Variants in XKR6 observed in about 807,000 individuals in gnomAD.
XKR6 encodes XK related 6.
Under a neutral mutation model 56.7 loss-of-function variants are expected in XKR6, and 22 were observed. That is an observed-to-expected ratio of 0.39 (90% confidence interval 0.28 to 0.55). XKR6 has a LOEUF of 0.55. XKR6 is among the 20% of genes least tolerant of loss of function. The pLI is 0.66. For missense variants in XKR6, 852 were observed against 889.0 expected (o/e 0.96, Z 0.53); for synonymous variants, 524 against 387.8 (o/e 1.35, Z -4.13).
chr8:11,128,117 G>C (rs563565576), intron 1 of XKR6, among the ~76,000 whole-genome samples: 29 of 152,294 alleles, frequency 1.9e-4, no homozygotes, highest in South Asian at 8.3e-4. Context: ...CAACAAATTA[G>C]CTAGAATGAA....
chr8:11,186,521 G>C (rs1420293103), intron 1 of XKR6, among the ~76,000 whole-genome samples: 2 of 152,052 alleles, frequency 1.3e-5, no homozygotes, highest in African/African-American at 4.8e-5. Context: ...GGAACCACAG[G>C]TGTGCCACAC....
Position 11,050,303 on chromosome 8 carries a change from C to T in XKR6, c.765-125473G>A, listed in dbSNP as rs115848447. Among the ~76,000 whole-genome samples, 638 of 152,182 alleles carry T rather than the reference C, an allele frequency of 4.2e-3. 8 individuals carry two copies. Among genetic ancestry groups the T allele is most frequent in the African/African-American group, 0.015 (609 of 41,516 alleles). ...CGAGATCGCGGCTGATCTCAGCAAT[C>T]GTGGCATTCACATTAAGTCCTGGTT... On this transcript the variant is annotated intron_variant, in intron 1 of 2. Coordinates refer to ENST00000416569, the MANE Select transcript of XKR6 (RefSeq NM_173683.4).
At chr8:11,027,015 G>A (rs1450377516) in intron 1 of XKR6, among the ~76,000 whole-genome samples, 1 of 152,142 alleles carries the variant, frequency 6.6e-6, no homozygotes, top group Non-Finnish European at 1.5e-5. Context: ...TATACACTTA[G>A]ATGCTGTTGC....
rs1173653429 is a variant in XKR6 at position 11,201,282 on chromosome 8, G to A, written c.58C>T (p.Leu20=). The A allele has an allele frequency of 5.1e-6, 8 of 1,582,054 alleles. No homozygotes were observed. Among genetic ancestry groups the A allele is most frequent in the South Asian group, 3.4e-5 (3 of 89,114 alleles). Residue 20 remains leucine, a synonymous_variant, in exon 1 of 3, where the codon CTG becomes TTG. Coordinates refer to ENST00000416569, the MANE Select transcript of XKR6 (RefSeq NM_173683.4). ...VGVGFAQLHN[L]DEAVGSGGEE... ...CCGCCGCTGCCCACCGCCTCGTCCA[G>A]GTTGTGCAGCTGAGCGAAGCCCACC...
At chr8:11,021,871 G>A (rs1406980013) in intron 1 of XKR6, among the ~76,000 whole-genome samples, 2 of 151,928 alleles carry the variant, frequency 1.3e-5, no homozygotes, top group Non-Finnish European at 2.9e-5. Flanking sequence ...CCTGAACTTA[G>A]CCTTGTTCCA....
intron 1 of XKR6, among the ~76,000 whole-genome samples, chr8:10,931,762 C>T (rs1270438337): frequency 6.6e-6 from 1 of 151,484 alleles, no homozygotes; most frequent in Non-Finnish European, 1.5e-5. Flanking sequence ...GAAGAAACTG[C>T]AGGAGTGGTT....
Position 11,135,308 on chromosome 8 carries a change from C to T in XKR6, c.764+65268G>A, listed in dbSNP as rs180700599. Among the ~76,000 whole-genome samples the T allele has an allele frequency of 1.6e-3, 249 of 152,192 alleles. 2 individuals are homozygous for T. Among genetic ancestry groups the T allele is most frequent in the African/African-American group, 5.7e-3 (238 of 41,534 alleles). ...CCTCCCAAAGTGCTGGGATTACAGG[C>T]GTGAGCCACCATGCCCGGCCAAAAA... On this transcript the variant is annotated intron_variant, in intron 1 of 2. Coordinates refer to ENST00000416569, the MANE Select transcript of XKR6 (RefSeq NM_173683.4).
chr8:11,120,125 G>A (rs1305913259), intron 1 of XKR6, among the ~76,000 whole-genome samples: 4 of 152,190 alleles, frequency 2.6e-5, no homozygotes, highest in South Asian at 2.1e-4. Context: ...AAAACTGGCA[G>A]AAGACAGGGA....
chr8:11,075,844 G>A (rs1199032115), intron 1 of XKR6, among the ~76,000 whole-genome samples: 4 of 152,144 alleles, frequency 2.6e-5, no homozygotes, highest in Non-Finnish European at 5.9e-5. Flanking sequence ...TTGCACTCCA[G>A]CCTGGGCAAC....
chr8:11,089,081 T>G (rs1048661901), intron 1 of XKR6, among the ~76,000 whole-genome samples: 1 of 151,958 alleles, frequency 6.6e-6, no homozygotes, highest in Non-Finnish European at 1.5e-5. Context: ...AGCAAAGGGA[T>G]CAGGAAAGCA....
intron 1 of XKR6, among the ~76,000 whole-genome samples, chr8:10,949,121 G>C (rs922415711): frequency 6.6e-6 from 1 of 152,246 alleles, no homozygotes. Flanking sequence ...GGTGAGCCCT[G>C]GCTGGAGGAG....
At chr8:11,044,442 TC>T (rs1799358423) in intron 1 of XKR6, among the ~76,000 whole-genome samples, 1 of 152,186 alleles carries the variant, frequency 6.6e-6, no homozygotes, top group African/African-American at 2.4e-5. Context: ...CAGTTTGCGA[TC>T]TCCTTCTTAA....
intron 1 of XKR6, among the ~76,000 whole-genome samples, chr8:11,100,795 T>C (rs980128777): frequency 1.3e-5 from 2 of 152,230 alleles, no homozygotes; most frequent in African/African-American, 4.8e-5. Context: ...TGTTTTTAGT[T>C]TGGCTATGAT....
At chr8:10,920,658 T>C (rs140344566) in intron 2 of XKR6, among the ~76,000 whole-genome samples, 36 of 152,372 alleles carry the variant, frequency 2.4e-4, no homozygotes, top group African/African-American at 8.2e-4. Flanking sequence ...CATAACAAAA[T>C]TGTCTCGTGA....
At chr8:10,990,449 C>G (rs1293022426) in intron 1 of XKR6, among the ~76,000 whole-genome samples, 1 of 152,184 alleles carries the variant, frequency 6.6e-6, no homozygotes, top group East Asian at 1.9e-4. Context: ...ATTTCCACAC[C>G]GGCAGTAGTT....
At chr8:11,143,041 C>T (rs1409483357) in intron 1 of XKR6, among the ~76,000 whole-genome samples, 1 of 152,090 alleles carries the variant, frequency 6.6e-6, no homozygotes, top group African/African-American at 2.4e-5. Flanking sequence ...AACTCAACAA[C>T]CAAATAGATA....
intron 1 of XKR6, among the ~76,000 whole-genome samples, chr8:11,002,873 C>A (rs569983202): frequency 6.6e-6 from 1 of 152,292 alleles, no homozygotes; most frequent in South Asian, 2.1e-4. Flanking sequence ...TGGAAATAAT[C>A]TGGGTATGGT....
At chr8:11,120,578 G>A (rs1194032774) in intron 1 of XKR6, among the ~76,000 whole-genome samples, 2 of 152,030 alleles carry the variant, frequency 1.3e-5, no homozygotes, top group African/African-American at 4.8e-5. Flanking sequence ...TCATGGGTAG[G>A]AAGAATCAAT....
intron 1 of XKR6, among the ~76,000 whole-genome samples, chr8:11,178,018 T>C (rs1802749717): frequency 6.6e-6 from 1 of 152,092 alleles, no homozygotes; most frequent in South Asian, 2.1e-4. Flanking sequence ...GCACCTGGTT[T>C]ACTAACAGAG....
Sources: allele counts gnomAD v4.1 joint callset (sites outside exome capture counted in the v4.1 genomes callset), GRCh38; gene constraint gnomAD v4.1.1; transcripts MANE v1.5; gene names NCBI Gene and HGNC (gene_info 2026-07-23, HGNC 2026-07-21).